Variants in SIGIRR observed in about 807,000 individuals in gnomAD.
SIGIRR encodes the protein single Ig and TIR domain containing.
A neutral mutation model predicts 45.6 loss-of-function variants in SIGIRR; 41 were observed. That is an observed-to-expected ratio of 0.90 (90% confidence interval 0.70 to 1.17). The LOEUF is 1.17. Ranked by LOEUF, SIGIRR falls within the 50% of genes most tolerant of loss-of-function variation. The pLI, the probability that SIGIRR is intolerant of heterozygous loss-of-function variation, is 0.00. For missense variants in SIGIRR, 599 were observed against 539.6 expected (o/e 1.11, Z -1.09); for synonymous variants, 298 against 239.0 (o/e 1.25, Z -2.28).
chr11:409,355 G>T (rs1004731058), intron 2 of SIGIRR: 1 of 309,440 alleles, frequency 3.2e-6, no homozygotes, highest in Non-Finnish European at 6.4e-6. Context: ...CAGATGCCCA[G>T]TGTGCCAGCA....
chr11:414,868 G>A lies in SIGIRR; in HGVS notation c.-199C>T, dbSNP rs1267030775. The A allele has an allele frequency of 1.0e-6, 1 of 985,530 alleles. No individual in the cohort carries two copies. Among genetic ancestry groups the A allele is most frequent in the Non-Finnish European group, 1.2e-6 (1 of 830,022 alleles). 61.0% of individuals were successfully genotyped at this position (985,530 alleles called of 1,614,324 possible). On this transcript the variant is annotated 5_prime_UTR_variant, in exon 1 of 10. Coordinates refer to ENST00000431843, the MANE Select transcript of SIGIRR (RefSeq NM_001135054.2). ...CGGGGGGCAAATGTTGGTCATTGGTGCGCCTTTGGGAGCAAACTCTCCCCT... is the reference window on the plus strand; with the variant it reads ...CGGGGGGCAAATGTTGGTCATTGGTACGCCTTTGGGAGCAAACTCTCCCCT...
In SIGIRR at chr11:407,577, G is replaced by C. The variant is rs1323809681; in HGVS notation, c.482-9C>G. On this transcript the variant is annotated splice_polypyrimidine_tract_variant and intron_variant, in intron 5 of 9. Transcript: ENST00000431843. ...GTCGTAGAGCTTCCCGTCTGCGGAC[G>C]GCGGCCAGTCACCCCGATGGCTCCC... 1.2e-6 allele frequency: 2 copies of C among 1,605,324 alleles called. No individual in the cohort carries two copies. The highest frequency in any genetic ancestry group is 1.7e-6 in the Non-Finnish European group (2 of 1,175,564).
At position 409,944 on chromosome 11, in the gene SIGIRR, G is replaced by A. The variant is rs1190010927; in HGVS notation, c.-70C>T. The A allele has an allele frequency of 4.0e-6, 5 of 1,260,932 alleles. No homozygotes were observed. The highest frequency in any genetic ancestry group is 3.4e-5 in the South Asian group (1 of 29,052). The allele number at this position is 1,260,932 out of a possible 1,614,324, so 78.1% of individuals were successfully genotyped here. On this transcript the variant is annotated 5_prime_UTR_variant, in exon 2 of 10. Coordinates refer to ENST00000431843, the MANE Select transcript of SIGIRR (RefSeq NM_001135054.2). ...CACCCCTGGCTCCACCGGGCTCCTC[G>A]GCCAGCAGACTGATCCAAGAGCTGG...
At chr11:409,756 T>G in intron 2 of SIGIRR, 112 bp downstream of exon 2, 6 of 1,205,894 alleles carry the variant, frequency 5.0e-6, no homozygotes, top group Admixed American at 4.0e-5. Context: ...ACCCCCGGCA[T>G]GTGGCCAGGC....
intron 1 of SIGIRR, among the ~76,000 whole-genome samples, chr11:412,973 G>A (rs1203163067): frequency 6.6e-6 from 1 of 152,162 alleles, no homozygotes; most frequent in African/African-American, 2.4e-5. Context: ...GGTGGCTGCA[G>A]GGAGAAGCCC....
chr11:416,682 GC>G (rs996727730), upstream of SIGIRR, among the ~76,000 whole-genome samples: 2 of 152,054 alleles, frequency 1.3e-5, no homozygotes, highest in African/African-American at 4.8e-5. The surrounding 1 kb of genome is among the most constrained non-coding windows in gnomAD (Gnocchi z 9.1). Context: ...TGCGCGCTGG[GC>G]CCCCAGCGCC....
rs114327275 is a variant in SIGIRR at position 408,982 on chromosome 11, G to T, written c.8-89C>A. On this transcript the variant is annotated intron_variant, in intron 2 of 9. Transcript: ENST00000431843. ...GGTCCGTGGTGCAGGAAGAAATAAGGCCTCTGTGTGGCTTGGCAGTCACAC... is the reference window on the plus strand; with the variant it reads ...GGTCCGTGGTGCAGGAAGAAATAAGTCCTCTGTGTGGCTTGGCAGTCACAC... 9.7e-4 allele frequency: 1,181 copies of T among 1,220,920 alleles called. 7 individuals carry two copies. In the African/African-American group the frequency reaches 0.015, roughly 16 times the overall value. The allele number at this position is 1,220,920 out of a possible 1,614,324, so 75.6% of individuals were successfully genotyped here.
Position 406,517 on chromosome 11 carries a change from T to C in SIGIRR, c.901A>G (p.Lys301Glu). The change falls in exon 9 of 10, where the codon AAA (lysine) becomes GAA (glutamate). Residue 301 changes from lysine (K) to glutamate (E), a missense_variant. Physicochemically the swap from Lys to Glu is moderately conservative, Grantham distance 56. Coordinates refer to ENST00000431843, the MANE Select transcript of SIGIRR (RefSeq NM_001135054.2). ...CGCGGCAGCGCCAGCTGCACTTCTTTCCAAAAATCGGAGGAAGGAGTCTGG... is the reference window on the plus strand; with the variant it reads ...CGCGGCAGCGCCAGCTGCACTTCTTCCCAAAAATCGGAGGAAGGAGTCTGG... ...GSVTPSSDFW[K>E]EVQLALPRKV... The C allele has an allele frequency of 1.9e-6, 3 of 1,609,320 alleles. No homozygotes were observed. Among genetic ancestry groups the C allele is most frequent in the Non-Finnish European group, 2.5e-6 (3 of 1,177,334 alleles).
chr11:408,776 C>G lies in SIGIRR; in HGVS notation c.125G>C (p.Cys42Ser). ...CTAWVVSGPH[C>S]SLPSVQWLKD... Reference sequence around the variant, plus strand: ...CAGCCACTGGACTGAAGGCAGGGAGCAGTGGGGCCCAGAGACTACCCAAGC... The same window carrying G: ...CAGCCACTGGACTGAAGGCAGGGAGGAGTGGGGCCCAGAGACTACCCAAGC... Residue 42 changes from cysteine (C) to serine (S), a missense_variant, in exon 3 of 10, where the codon TGC (cysteine) becomes TCC (serine). Cys to Ser is a moderately radical substitution (Grantham distance 112). Transcript: ENST00000431843. 2 of 1,612,778 alleles carry G rather than the reference C, an allele frequency of 1.2e-6. No individual in the cohort carries two copies. The highest frequency in any genetic ancestry group is 1.7e-4 in the Middle Eastern group (1 of 6,050).
In SIGIRR at chr11:407,497, G is replaced by A. The variant is rs775418049; in HGVS notation, c.553C>T (p.Leu185=). ...CGACGCCGCTCCAGCTGCGGCTTTA[G>A]GATGAAGTTCACGAACTTGCGGTCC... ...PEDRKFVNFI[L]KPQLERRRGY... Residue 185 remains leucine (L), a synonymous_variant, in exon 6 of 10, where the codon CTA becomes TTA. Coordinates refer to ENST00000431843, the MANE Select transcript of SIGIRR (RefSeq NM_001135054.2). 2.3e-5 allele frequency: 37 copies of A among 1,602,584 alleles called. No homozygotes were observed. The highest frequency in any genetic ancestry group is 2.6e-5 in the Non-Finnish European group (31 of 1,175,350).
Position 407,119 on chromosome 11 carries a change from A to C in SIGIRR, c.671T>G (p.Leu224Arg). ...LLVNLSRCRR[L>R]IVVLSDAFLS... ...GAAGGCGTCCGAAAGCACCACGATG[A>C]GGCGTCGGCAGCGGCTCAGGTTCAC... The change falls in exon 7 of 10, where the codon CTC becomes CGC. Residue 224 changes from leucine (L) to arginine (R), a missense_variant. By Grantham distance (102) the Leu-to-Arg change is moderately radical (BLOSUM62 -2). Coordinates refer to ENST00000431843, the MANE Select transcript of SIGIRR (RefSeq NM_001135054.2). The C allele has an allele frequency of 6.6e-7, 1 of 1,520,576 alleles. No homozygotes were observed. Among genetic ancestry groups the C allele is most frequent in the Non-Finnish European group, 8.8e-7 (1 of 1,139,830 alleles). The allele number at this position is 1,520,576 out of a possible 1,614,324, so 94.2% of individuals were successfully genotyped here.
chr11:416,452 C>T (rs1425758174), upstream of SIGIRR, among the ~76,000 whole-genome samples: 1 of 152,160 alleles, frequency 6.6e-6, no homozygotes, highest in Non-Finnish European at 1.5e-5. This position sits in a 1 kb window ranked among gnomAD's most constrained non-coding sequence, Gnocchi z 9.1. Flanking sequence ...TCCGAGGCGC[C>T]CAGAATCTCA....
chr11:409,920 A>G lies in SIGIRR; in HGVS notation c.-46T>C. ...TCGGGGCAGGCTGGGCTCCAGGGTC[A>G]CCCCTGGCTCCACCGGGCTCCTCGG... is the stretch of plus-strand genomic sequence containing the variant. On this transcript the variant is annotated 5_prime_UTR_variant, in exon 2 of 10. Transcript: ENST00000431843. 7.8e-7 allele frequency: 1 copy of G among 1,284,708 alleles called. No individual in the cohort carries two copies. The highest frequency in any genetic ancestry group is 9.9e-7 in the Non-Finnish European group (1 of 1,009,340). The allele number at this position is 1,284,708 out of a possible 1,614,324, so 79.6% of individuals were successfully genotyped here.
chr11:412,758 G>T (rs1455136078), intron 1 of SIGIRR, among the ~76,000 whole-genome samples: 6 of 151,650 alleles, frequency 4.0e-5, no homozygotes, highest in Admixed American at 2.0e-4. Context: ...CCCACGTCTG[G>T]TTACAGTCAG....
chr11:407,263 G>C, intron 6 of SIGIRR, 99 bp from the exon 7 acceptor site: 1 of 580,036 alleles, frequency 1.7e-6, no homozygotes, highest in South Asian at 2.4e-5. Flanking sequence ...TAAGGGAGGG[G>C]CGGGGCCTGC....
At position 407,335 on chromosome 11, in the gene SIGIRR, G is replaced by T. The variant is rs1324017288; in HGVS notation, c.625+90C>A. 1.1e-5 allele frequency: 13 copies of T among 1,137,656 alleles called. No homozygotes were observed. The South Asian group carries it at 1.8e-4, about 16-fold the overall frequency. 70.5% of individuals were successfully genotyped at this position (1,137,656 alleles called of 1,614,324 possible). ...GCGGGGATGGGGGCGGAGCTCGATG[G>T]TGGGGGTGGGGCCCCGGGTGGGACG... is the stretch of plus-strand genomic sequence containing the variant. On this transcript the variant is annotated intron_variant, in intron 6 of 9. Coordinates refer to ENST00000431843, the MANE Select transcript of SIGIRR (RefSeq NM_001135054.2).
At chr11:407,264 C>CG (rs1261164091) in intron 6 of SIGIRR, 100 bp from the exon 7 acceptor site, 8 of 508,218 alleles carry the variant, frequency 1.6e-5, no homozygotes, top group African/African-American at 1.5e-4. Context: ...AAGGGAGGGG[C>CG]GGGGCCTGCG....
In SIGIRR at chr11:414,869, C is replaced by T. The variant is rs759779979; in HGVS notation, c.-200G>A. On this transcript the variant is annotated 5_prime_UTR_variant, in exon 1 of 10. Transcript: ENST00000431843. ...GGGGGGCAAATGTTGGTCATTGGTG[C>T]GCCTTTGGGAGCAAACTCTCCCCTT... The T allele has an allele frequency of 1.0e-5, 10 of 985,412 alleles. No homozygotes were observed. The highest frequency in any genetic ancestry group is 1.7e-5 in the African/African-American group (1 of 57,224). 61.0% of individuals were successfully genotyped at this position (985,412 alleles called of 1,614,324 possible). A position where few individuals can be genotyped will look rare whatever the true frequency, so the allele number is the denominator to read the frequency against.
At position 407,126 on chromosome 11, in the gene SIGIRR, G is replaced by C. The variant is rs766310574; in HGVS notation, c.664C>G (p.Arg222Gly). Residue 222 changes from arginine to glycine, a missense_variant, in exon 7 of 10, where the codon CGA (arginine) becomes GGA (glycine). By Grantham distance (125) the Arg-to-Gly change is moderately radical. Coordinates refer to ENST00000431843, the MANE Select transcript of SIGIRR (RefSeq NM_001135054.2). ...ADLLVNLSRC[R>G]RLIVVLSDAF... ...TCCGAAAGCACCACGATGAGGCGTC[G>C]GCAGCGGCTCAGGTTCACCAAGAGG... 248 of 1,562,134 alleles carry C rather than the reference G, an allele frequency of 1.6e-4. No individual in the cohort carries two copies. The highest frequency in any genetic ancestry group is 2.0e-4 in the Non-Finnish European group (237 of 1,161,030).
Sources: gnomAD v4.1 joint callset for allele counts (sites outside exome capture counted in the v4.1 genomes callset) on GRCh38, gnomAD v4.1.1 for gene constraint, Gnocchi (gnomAD v3.1) non-coding constraint, MANE v1.5 for transcripts, NCBI Gene and HGNC (gene_info 2026-07-23, HGNC 2026-07-21) for gene names.